The following CNKSR3 variants were observed in gnomAD, a reference collection of about 807,000 sequenced individuals.
CNKSR3 encodes the protein connector enhancer of kinase suppressor of ras 3.
Under a neutral mutation model 67.7 loss-of-function variants are expected in CNKSR3, and 36 were observed. The ratio of observed to expected loss-of-function variants is 0.53; its 90% CI spans 0.41 to 0.70. The LOEUF (loss-of-function observed/expected upper bound fraction) is 0.70, where lower values mean the gene tolerates loss of function less well. Among genes scored for constraint, CNKSR3 ranks in the 30% least tolerant of loss-of-function variants. CNKSR3 has a pLI of 0.00. For synonymous variants in CNKSR3, 281 were observed against 271.4 expected (o/e 1.04, Z -0.35); for missense variants, 630 against 695.2 (o/e 0.91, Z 1.05).
chr6:154,492,978 G>A (rs1192180514), intron 1 of CNKSR3, among the ~76,000 whole-genome samples: 5 of 151,988 alleles, frequency 3.3e-5, no homozygotes, highest in African/African-American at 4.8e-5. Flanking sequence ...CATGGCATCC[G>A]AACTAGTTCC....
chr6:154,441,967 G>A, intron 3 of CNKSR3, 121 bp downstream of exon 3: 1 of 938,998 alleles, frequency 1.1e-6, no homozygotes. Flanking sequence ...GACTCCTTAA[G>A]AGCCGGTAAA....
intron 10 of CNKSR3, 51 bp from the exon 11 acceptor site, chr6:154,411,193 A>T: frequency 7.5e-7 from 1 of 1,330,578 alleles, no homozygotes; most frequent in Non-Finnish European, 1.1e-6. Context: ...ATGTTCTCAT[A>T]CTGAAGAATT....
At chr6:154,429,947 T>G (rs1176802934) in intron 6 of CNKSR3, among the ~76,000 whole-genome samples, 1 of 152,232 alleles carries the variant, frequency 6.6e-6, no homozygotes, top group Non-Finnish European at 1.5e-5. Context: ...ATTAATGGGC[T>G]TCACAGCTTC....
At chr6:154,509,663 G>A (rs568187161) in intron 1 of CNKSR3, among the ~76,000 whole-genome samples, 1 of 152,276 alleles carries the variant, frequency 6.6e-6, no homozygotes, top group East Asian at 1.9e-4. Flanking sequence ...GGTCCCGCGG[G>A]AGTCACCCAC....
chr6:154,422,061 T>C (rs918954608), intron 9 of CNKSR3, among the ~76,000 whole-genome samples: 40 of 151,250 alleles, frequency 2.6e-4, no homozygotes, highest in African/African-American at 8.8e-4. Context: ...GGCACGATCT[T>C]GGCTCACTGC....
At position 154,398,253 on chromosome 6, in the gene CNKSR3, G is replaced by C. The variant is rs1333383609; in HGVS notation, c.*8101C>G. 6.6e-6 allele frequency: 1 copy of C among 152,186 alleles called. No homozygotes were observed. The highest frequency in any genetic ancestry group is 1.5e-5 in the Non-Finnish European group (1 of 68,042). The allele number at this position is 152,186 out of a possible 1,614,324, so 9.4% of individuals were successfully genotyped here. The stretch of plus-strand genomic sequence containing the variant: ...TTCCAGAAACAACATTCAGGATGAC[G>C]GCATCAGTGTTAGCCAAGTGTCTGA... On this transcript the variant is annotated 3_prime_UTR_variant, in exon 13 of 13. Coordinates refer to ENST00000607772, the MANE Select transcript of CNKSR3 (RefSeq NM_173515.4).
At chr6:154,446,653 G>C (rs77255274) in intron 2 of CNKSR3, among the ~76,000 whole-genome samples, 4,676 of 152,224 alleles carry the variant, frequency 0.031, 193 homozygotes, top group East Asian at 0.19. Context: ...CCCAAGTCTA[G>C]GTAGCATCAT....
chr6:154,444,897 A>G (rs1374541491), intron 2 of CNKSR3, among the ~76,000 whole-genome samples: 1 of 152,038 alleles, frequency 6.6e-6, no homozygotes, highest in Non-Finnish European at 1.5e-5. Context: ...GAACCACTGC[A>G]CCCGGCTGTG....
intron 1 of CNKSR3, among the ~76,000 whole-genome samples, chr6:154,495,235 G>T (rs563346614): frequency 6.6e-6 from 1 of 152,170 alleles, no homozygotes; most frequent in East Asian, 1.9e-4. Context: ...AATCATGGAA[G>T]TATCTTTGTT....
intron 1 of CNKSR3, among the ~76,000 whole-genome samples, chr6:154,452,847 GGAGA>G (rs1214677837): frequency 2.6e-5 from 4 of 152,192 alleles, no homozygotes; most frequent in Admixed American, 2.6e-4. Context: ...TGTAAACCAA[GGAGA>G]GAGGCCTCAG....
At chr6:154,447,929 A>G (rs1462892247) in intron 2 of CNKSR3, among the ~76,000 whole-genome samples, 1 of 152,234 alleles carries the variant, frequency 6.6e-6, no homozygotes, top group African/African-American at 2.4e-5. Flanking sequence ...AATTATAATA[A>G]GAATATTCAA....
intron 1 of CNKSR3, 123 bp from the exon 2 acceptor site, chr6:154,450,381 T>C: frequency 1.0e-6 from 1 of 1,000,026 alleles, no homozygotes; most frequent in Non-Finnish European, 1.5e-6. Flanking sequence ...TCTGGTTATC[T>C]ATGTGAGGCC....
chr6:154,465,140 CAAAAAAAAAAAA>C (rs59986165), intron 1 of CNKSR3, among the ~76,000 whole-genome samples: 1 of 69,076 alleles, frequency 1.4e-5, no homozygotes, highest in Non-Finnish European at 2.7e-5. Context: ...GATTCTGTCT[CAAAAAAAAAAAA>C]AAAAAAAAAA....
intron 1 of CNKSR3, among the ~76,000 whole-genome samples, chr6:154,465,887 A>G (rs1378037783): frequency 2.6e-5 from 4 of 152,194 alleles, no homozygotes; most frequent in African/African-American, 9.6e-5. Context: ...GGTGAGGGGG[A>G]TTCTGTATAT....
chr6:154,407,821 T>C (rs1373991579), intron 12 of CNKSR3, among the ~76,000 whole-genome samples: 1 of 138,534 alleles, frequency 7.2e-6, no homozygotes, highest in Non-Finnish European at 1.5e-5. Flanking sequence ...TTCTAAGTTT[T>C]CTAAATTTTA....
chr6:154,508,641 A>G (rs1485692535), intron 1 of CNKSR3, among the ~76,000 whole-genome samples: 1 of 152,240 alleles, frequency 6.6e-6, no homozygotes, highest in Non-Finnish European at 1.5e-5. Context: ...CATGCTTCCT[A>G]CCAAGTACTG....
rs891520798 is a variant in CNKSR3 at position 154,509,992 on chromosome 6, C to T, written c.52+71G>A. 2.6e-6 allele frequency: 4 copies of T among 1,556,754 alleles called. No individual in the cohort carries two copies. The African/African-American group carries it at 4.1e-5, about 16-fold the overall frequency. On this transcript the variant is annotated intron_variant, in intron 1 of 12. Transcript: ENST00000607772. ...TCGCCGGGAGGAAGGGCCAAGTACC[C>T]TCTTCCCCAGCTCCTCGTCCGCCCC...
chr6:154,473,223 A>C (rs572667487), intron 1 of CNKSR3, among the ~76,000 whole-genome samples: 1 of 152,346 alleles, frequency 6.6e-6, no homozygotes, highest in South Asian at 2.1e-4. Context: ...CAAGTGCCAG[A>C]GAGCACACAC....
intron 1 of CNKSR3, among the ~76,000 whole-genome samples, chr6:154,466,838 C>G (rs1471303520): frequency 6.7e-6 from 1 of 149,468 alleles, no homozygotes; most frequent in Non-Finnish European, 1.5e-5. Context: ...GTTGTCCAGG[C>G]TTGCTCAAAC....
Sources: allele counts gnomAD v4.1 joint callset (sites outside exome capture counted in the v4.1 genomes callset), GRCh38; gene constraint gnomAD v4.1.1; transcripts MANE v1.5; gene names NCBI Gene and HGNC (gene_info 2026-07-23, HGNC 2026-07-21).